The following TBC1D1 variants were observed in gnomAD, a reference collection of about 807,000 sequenced individuals.
TBC1D1 encodes the protein TBC1 (tre-2/USP6, BUB2, cdc16) domain family, member 1.
A neutral mutation model predicts 125.6 loss-of-function variants in TBC1D1; 89 were observed. That is an observed-to-expected ratio of 0.71 (90% CI 0.60 to 0.85). The LOEUF is 0.85. Ranked by LOEUF, TBC1D1 falls within the 40% of genes least tolerant of loss-of-function variation. The probability of loss-of-function intolerance (pLI) is 0.00; values close to 1 mark genes in which losing one functional copy is unlikely to be tolerated. For synonymous variants in TBC1D1, 565 were observed against 564.1 expected (o/e 1.00, Z -0.02); for missense variants, 1,377 against 1,469.2 (o/e 0.94, Z 1.03).
chr4:37,900,109 A>G (rs936650847), intron 1 of TBC1D1, among the ~76,000 whole-genome samples: 35 of 147,364 alleles, frequency 2.4e-4, no homozygotes, highest in African/African-American at 8.7e-4. Flanking sequence ...CGACAGAGCG[A>G]GGAGCCGTCT....
At chr4:37,915,397 G>A (rs1719515547) in intron 2 of TBC1D1, among the ~76,000 whole-genome samples, 1 of 152,274 alleles carries the variant, frequency 6.6e-6, no homozygotes, top group South Asian at 2.1e-4. Flanking sequence ...CCTGAGAGCT[G>A]GAGAGCTGAA....
intron 2 of TBC1D1, among the ~76,000 whole-genome samples, chr4:37,946,022 C>T (rs946227565): frequency 6.6e-6 from 1 of 152,100 alleles, no homozygotes; most frequent in African/African-American, 2.4e-5. Flanking sequence ...ATGAGTATGA[C>T]AGAAAGCCAT....
At chr4:37,944,343 C>T (rs1383784316) in intron 2 of TBC1D1, among the ~76,000 whole-genome samples, 4 of 152,154 alleles carry the variant, frequency 2.6e-5, no homozygotes, top group Non-Finnish European at 5.9e-5. Context: ...GCTGGGAGAA[C>T]CACTACTCTC....
intron 2 of TBC1D1, among the ~76,000 whole-genome samples, chr4:37,991,352 T>G (rs571664293): frequency 1.3e-5 from 2 of 152,288 alleles, no homozygotes; most frequent in African/African-American, 2.4e-5. Context: ...CTGGAGTACC[T>G]CTCCGCTGAT....
At chr4:38,089,061 A>G (rs929706247) in intron 12 of TBC1D1, among the ~76,000 whole-genome samples, 1 of 152,230 alleles carries the variant, frequency 6.6e-6, no homozygotes, top group Non-Finnish European at 1.5e-5. Flanking sequence ...ATAAGACTCT[A>G]TAAAGCTGTG....
intron 2 of TBC1D1, among the ~76,000 whole-genome samples, chr4:37,951,520 C>T (rs565048089): frequency 2.0e-5 from 3 of 152,282 alleles, no homozygotes; most frequent in Admixed American, 6.5e-5. Context: ...TCCTGGGGAC[C>T]ACCACCCTAA....
At chr4:38,101,645 C>T (rs1760354022) in intron 14 of TBC1D1, among the ~76,000 whole-genome samples, 1 of 152,194 alleles carries the variant, frequency 6.6e-6, no homozygotes, top group Non-Finnish European at 1.5e-5. Context: ...AGCCTCTGGG[C>T]TCTTCTTGCA....
At chr4:37,891,781 A>T (rs1713384536) in intron 1 of TBC1D1, among the ~76,000 whole-genome samples, 2 of 150,678 alleles carry the variant, frequency 1.3e-5, no homozygotes, top group South Asian at 4.2e-4. Context: ...TGGCAGCTCC[A>T]CCAGTGCGCG....
chr4:37,989,275 A>G (rs61632493), intron 2 of TBC1D1, among the ~76,000 whole-genome samples: 6 of 152,114 alleles, frequency 3.9e-5, no homozygotes, highest in South Asian at 2.1e-4. Context: ...ACTTATTTCT[A>G]TTGATTCCAG....
At chr4:38,133,032 T>C in intron 18 of TBC1D1, 52 bp from the exon 21 acceptor site, 1 of 1,551,482 alleles carries the variant, frequency 6.4e-7, no homozygotes, top group Non-Finnish European at 8.8e-7. Context: ...CTGCCTGTAC[T>C]TGTGGGGTTT....
chr4:38,015,078 G>A, intron 3 of TBC1D1, 105 bp downstream of exon 3: 5 of 930,014 alleles, frequency 5.4e-6, no homozygotes, highest in Non-Finnish European at 7.9e-6. Context: ...TTTGATTTAT[G>A]TGTGAATCCA....
At chr4:37,921,499 C>G (rs966281462) in intron 2 of TBC1D1, among the ~76,000 whole-genome samples, 1 of 151,540 alleles carries the variant, frequency 6.6e-6, no homozygotes, top group African/African-American at 2.4e-5. Flanking sequence ...CTCCACCTCC[C>G]AGGTTCAAGC....
chr4:37,954,947 C>T (rs1265304250), intron 2 of TBC1D1, among the ~76,000 whole-genome samples: 1 of 122,040 alleles, frequency 8.2e-6, no homozygotes, highest in Non-Finnish European at 1.6e-5. Context: ...AGTGCAGTGG[C>T]GTGATCCGAT....
chr4:37,901,808 T>A (rs914233295), intron 1 of TBC1D1, among the ~76,000 whole-genome samples, 195 bp from the exon 2 acceptor site: 4 of 152,160 alleles, frequency 2.6e-5, no homozygotes, highest in Non-Finnish European at 4.4e-5. Context: ...CTGTAATGAG[T>A]GTGACAGTTA....
At chr4:37,961,216 A>G in intron 2 of TBC1D1, 1 of 712,334 alleles carries the variant, frequency 1.4e-6, no homozygotes, top group South Asian at 2.0e-5. Context: ...CTCTTTGGGG[A>G]TATGTCAACA....
At chr4:37,892,083 G>T (rs1713453192) in intron 1 of TBC1D1, among the ~76,000 whole-genome samples, 1 of 152,046 alleles carries the variant, frequency 6.6e-6, no homozygotes, top group Non-Finnish European at 1.5e-5. Flanking sequence ...AATTTTCAGG[G>T]TGCCTCATAT....
intron 2 of TBC1D1, among the ~76,000 whole-genome samples, chr4:37,906,121 T>A (rs76312716): frequency 6.6e-6 from 1 of 152,096 alleles, no homozygotes; most frequent in East Asian, 1.9e-4. Context: ...GCAGGCTTCA[T>A]CTTCAATATT....
At chr4:38,045,311 T>C (rs1749189516) in intron 9 of TBC1D1, among the ~76,000 whole-genome samples, 1 of 152,258 alleles carries the variant, frequency 6.6e-6, no homozygotes. Flanking sequence ...TTTATTTTAT[T>C]TTTTAATTAA....
At chr4:38,046,141 G>A (rs1432421933) in intron 10 of TBC1D1, among the ~76,000 whole-genome samples, 4 of 152,124 alleles carry the variant, frequency 2.6e-5, no homozygotes, top group African/African-American at 9.7e-5. Flanking sequence ...GGACGCGGGC[G>A]GATCATGAGG....
Sources: gnomAD v4.1 joint callset for allele counts (sites outside exome capture counted in the v4.1 genomes callset) on GRCh38, gnomAD v4.1.1 for gene constraint, MANE v1.5 for transcripts, NCBI Gene and HGNC (gene_info 2026-07-23, HGNC 2026-07-21) for gene names.